The following CNOT11 variants were observed in gnomAD, a reference collection of about 807,000 sequenced individuals.
CNOT11 encodes the protein CCR4-NOT transcription complex subunit 11, also known as UPF0760 protein C2orf29.
A neutral mutation model predicts 44.6 loss-of-function variants in CNOT11; 18 were observed. The ratio of observed to expected loss-of-function variants is 0.40; its 90% CI spans 0.28 to 0.60. The LOEUF (loss-of-function observed/expected upper bound fraction) is 0.60, where lower values mean the gene tolerates loss of function less well. Among genes scored for constraint, CNOT11 ranks in the 20% least tolerant of loss-of-function variants. The pLI is 0.38. For synonymous variants in CNOT11, 291 were observed against 270.9 expected (o/e 1.07, Z -0.73); for missense variants, 513 against 677.0 (o/e 0.76, Z 2.69).
At chr2:101,263,889 C>T (rs72822989) in intron 3 of CNOT11, among the ~76,000 whole-genome samples, 2,485 of 152,332 alleles carry the variant, frequency 0.016, 20 homozygotes, top group Middle Eastern at 0.037. Context: ...GTCCCCACCT[C>T]GCAAGAACTC....
chr2:101,255,386 T>C (rs1681715921), intron 1 of CNOT11, among the ~76,000 whole-genome samples: 2 of 152,214 alleles, frequency 1.3e-5, no homozygotes, highest in South Asian at 4.1e-4. Flanking sequence ...TCCCAGCTAC[T>C]TGGGAGGCTG....
chr2:101,253,135 C>T lies in CNOT11; in HGVS notation c.171C>T (p.Pro57=), dbSNP rs1019536208. 4 of 1,551,376 alleles carry T rather than the reference C, an allele frequency of 2.6e-6. No homozygotes were observed. In the African/African-American group the frequency reaches 4.3e-5, roughly 17 times the overall value. ...CCGGGAGCGGAGGCCCGGGGGGCCC[C>T]GCGGGCAGGATGAGCTTGACCCCGA... ...PGSGSGGPGG[P]AGRMSLTPKE... Residue 57 remains proline, a synonymous_variant, in exon 1 of 7, where the codon CCC becomes CCT. Coordinates refer to ENST00000289382, the MANE Select transcript of CNOT11 (RefSeq NM_017546.5). This position sits in a 1 kb window ranked among gnomAD's most constrained non-coding sequence, Gnocchi z 4.3.
chr2:101,268,610 A>C (rs1300535449), intron 5 of CNOT11, among the ~76,000 whole-genome samples: 1 of 152,222 alleles, frequency 6.6e-6, no homozygotes, highest in Non-Finnish European at 1.5e-5. Flanking sequence ...AGTTTAGAAA[A>C]GGCAGCATAT....
At position 101,269,460 on chromosome 2, in the gene CNOT11, G is replaced by T; in HGVS notation, c.*47G>T. 1 of 1,560,772 alleles carries T rather than the reference G, an allele frequency of 6.4e-7. No homozygotes were observed. The highest frequency in any genetic ancestry group is 1.7e-5 in the Admixed American group (1 of 59,092). Reference sequence around the variant, plus strand: ...TCCATTCACTGTTCAGCTGTACTGTGATTTAGTTTTTACACCGTTAAAACC... The same window carrying T: ...TCCATTCACTGTTCAGCTGTACTGTTATTTAGTTTTTACACCGTTAAAACC... On this transcript the variant is annotated 3_prime_UTR_variant, in exon 7 of 7. Transcript: ENST00000289382. The surrounding 1 kb of genome is among the most constrained non-coding windows in gnomAD (Gnocchi z 4.8).
intron 1 of CNOT11, among the ~76,000 whole-genome samples, chr2:101,254,294 C>G (rs1681690954): frequency 6.6e-6 from 1 of 152,178 alleles, no homozygotes. Context: ...CTTGATCTTA[C>G]ATTCCTTAAC....
chr2:101,267,866 T>C (rs149000425), intron 5 of CNOT11, among the ~76,000 whole-genome samples: 3 of 152,256 alleles, frequency 2.0e-5, no homozygotes, highest in Non-Finnish European at 4.4e-5. Flanking sequence ...AATTATATGG[T>C]CCTCCTGTAT....
chr2:101,264,865 A>T lies in CNOT11; in HGVS notation c.853A>T (p.Ile285Phe), dbSNP rs144229293. ...TACAGGCCATTTTCGACCAGAGTTTATTCGTCCACCGCCTCCACTCCACAT... is the reference window on the plus strand; with the variant it reads ...TACAGGCCATTTTCGACCAGAGTTTTTTCGTCCACCGCCTCCACTCCACAT... ...PIESHFRPEF[I>F]RPPPPLHICE... Residue 285 changes from isoleucine to phenylalanine, a missense_variant, in exon 4 of 7, where the codon ATT (isoleucine) becomes TTT (phenylalanine). Transcript: ENST00000289382. 1 of 1,614,120 alleles carries T rather than the reference A, an allele frequency of 6.2e-7. No individual in the cohort carries two copies.
At chr2:101,256,333 A>G (rs1005459221) in intron 1 of CNOT11, among the ~76,000 whole-genome samples, 1 of 152,092 alleles carries the variant, frequency 6.6e-6, no homozygotes, top group African/African-American at 2.4e-5. Context: ...TTTGTACTCT[A>G]GAGATATAAC....
Position 101,257,810 on chromosome 2 carries a change from T to A in CNOT11, c.534T>A (p.Thr178=), listed in dbSNP as rs532742578. ...TTGCAGGATTTTTACCTCCTATAAC[T>A]CCACCAGAAAAGTTTTTTCTTTCCC... ...PPLSGFLPPI[T]PPEKFFLSQL... is the part of the protein sequence containing the mutation. Residue 178 remains threonine, a synonymous_variant, in exon 2 of 7, where the codon ACT becomes ACA. Coordinates refer to ENST00000289382, the MANE Select transcript of CNOT11 (RefSeq NM_017546.5). 6.2e-7 allele frequency: 1 copy of A among 1,613,678 alleles called. No homozygotes were observed. The highest frequency in any genetic ancestry group is 1.3e-5 in the African/African-American group (1 of 75,010).
In CNOT11 at chr2:101,253,099, C is replaced by T. The variant is rs753888284; in HGVS notation, c.135C>T (p.Ser45=). ...CCGGCGGCGGCAGAGGCGGAGCAAGCGGCCCCGGGTCCGGGAGCGGAGGCC... is the reference window on the plus strand; with the variant it reads ...CCGGCGGCGGCAGAGGCGGAGCAAGTGGCCCCGGGTCCGGGAGCGGAGGCC... The part of the protein sequence containing the change: ...GGSGGGRGGA[S]GPGSGSGGPG... The change falls in exon 1 of 7, where the codon AGC becomes AGT. Residue 45 remains serine (S), a synonymous_variant. Transcript: ENST00000289382. The surrounding 1 kb of genome is among the most constrained non-coding windows in gnomAD (Gnocchi z 4.3). 2.8e-5 allele frequency: 42 copies of T among 1,512,796 alleles called. No homozygotes were observed. The highest frequency in any genetic ancestry group is 3.4e-5 in the Non-Finnish European group (39 of 1,137,538). The allele number at this position is 1,512,796 out of a possible 1,614,324, so 93.7% of individuals were successfully genotyped here. A position where few individuals can be genotyped will look rare whatever the true frequency, so the allele number is the denominator to read the frequency against.
At chr2:101,258,994 C>T (rs867552740) in intron 2 of CNOT11, among the ~76,000 whole-genome samples, 2 of 151,792 alleles carry the variant, frequency 1.3e-5, no homozygotes, top group African/African-American at 4.8e-5. Context: ...CTTAGCCGGG[C>T]GTGGTGGTGC....
Position 101,262,610 on chromosome 2 carries a change from T to G in CNOT11, c.751T>G (p.Ser251Ala), listed in dbSNP as rs983480070. 4 of 1,613,994 alleles carry G rather than the reference T, an allele frequency of 2.5e-6. No homozygotes were observed. In the African/African-American group the frequency reaches 5.3e-5, roughly 22 times the overall value. ...TATTCTCAGTGACCCAGACCCGGAT[T>G]CTTCTAATTCTGGATTTGACAGCTC... ...PSILSDPDPDSSNSGFDSSVA... is the reference protein window; with the variant it reads ...PSILSDPDPDASNSGFDSSVA... Residue 251 changes from serine to alanine, a missense_variant, in exon 3 of 7, where the codon TCT (serine) becomes GCT (alanine). Physicochemically the swap from Ser to Ala is moderately conservative, Grantham distance 99. Coordinates refer to ENST00000289382, the MANE Select transcript of CNOT11 (RefSeq NM_017546.5).
intron 2 of CNOT11, among the ~76,000 whole-genome samples, chr2:101,258,547 G>GT (rs1232396966): frequency 8.6e-5 from 13 of 151,086 alleles, no homozygotes; most frequent in East Asian, 3.9e-4. Flanking sequence ...AATTTAGTGG[G>GT]TTTTTTTTTA....
In CNOT11 at chr2:101,253,170, C is replaced by A; in HGVS notation, c.206C>A (p.Ser69Ter). ...GRMSLTPKEL[S>*]SLLSIISEEA... ...ATGAGCTTGACCCCGAAGGAGCTCT[C>A]GAGCCTGCTGAGCATCATATCGGAG... Residue 69 changes from serine to a stop codon, truncating the protein, a stop_gained, in exon 1 of 7, where the codon TCG becomes TAG. Transcript: ENST00000289382. LOFTEE classifies it high-confidence loss of function. This position sits in a 1 kb window ranked among gnomAD's most constrained non-coding sequence, Gnocchi z 4.3. 6.3e-7 allele frequency: 1 copy of A among 1,593,892 alleles called. No individual in the cohort carries two copies. The highest frequency in any genetic ancestry group is 8.5e-7 in the Non-Finnish European group (1 of 1,172,354).
chr2:101,263,078 G>T (rs1681904592), intron 3 of CNOT11, among the ~76,000 whole-genome samples: 1 of 152,020 alleles, frequency 6.6e-6, no homozygotes. Flanking sequence ...AAAATTAGCC[G>T]AGTGTAGTGG....
At position 101,269,106 on chromosome 2, in the gene CNOT11, T is replaced by C. The variant is rs368313168; in HGVS notation, c.1305T>C (p.Thr435=). 49 of 1,609,070 alleles carry C rather than the reference T, an allele frequency of 3.0e-5. No homozygotes were observed. The African/African-American group carries it at 5.9e-4, about 19-fold the overall frequency. Reference sequence around the variant, plus strand: ...TTTATATATCAAATTGCATCTCTACTTGTGAACAGATTAAGGATAAATATA... The same window carrying C: ...TTTATATATCAAATTGCATCTCTACCTGTGAACAGATTAAGGATAAATATA... ...IHLYISNCIS[T]CEQIKDKYMQ... Residue 435 remains threonine (T), a synonymous_variant, in exon 6 of 7, where the codon ACT becomes ACC. Transcript: ENST00000289382. The surrounding 1 kb of genome is among the most constrained non-coding windows in gnomAD (Gnocchi z 4.8).
Position 101,269,194 on chromosome 2 carries a change from ATTTT to A in CNOT11, c.1336-14_1336-11del, listed in dbSNP as rs759153224. 8.1e-7 allele frequency: 1 copy of A among 1,227,956 alleles called. No individual in the cohort carries two copies. The allele number at this position is 1,227,956 out of a possible 1,614,324, so 76.1% of individuals were successfully genotyped here. On this transcript the variant is annotated intron_variant, in intron 6 of 6. Coordinates refer to ENST00000289382, the MANE Select transcript of CNOT11 (RefSeq NM_017546.5). This position sits in a 1 kb window ranked among gnomAD's most constrained non-coding sequence, Gnocchi z 4.8. ...CTGCCAGGAAAATGAGCAGACTAAC[ATTTT>A]TTTTTTTCCTTTTTCAGAATCGGTT...
chr2:101,254,668 T>C (rs1573196017), intron 1 of CNOT11, among the ~76,000 whole-genome samples: 1 of 150,904 alleles, frequency 6.6e-6, no homozygotes, highest in Admixed American at 6.6e-5. Flanking sequence ...GGTTGGGGGG[T>C]GGGAATTGCT....
chr2:101,264,579 C>T (rs1681936894), intron 3 of CNOT11, among the ~76,000 whole-genome samples: 1 of 152,190 alleles, frequency 6.6e-6, no homozygotes, highest in African/African-American at 2.4e-5. Context: ...ATGGGCAGAT[C>T]ACGGCCAGGC....
Sources: gnomAD v4.1 joint callset for allele counts (sites outside exome capture counted in the v4.1 genomes callset) on GRCh38, gnomAD v4.1.1 for gene constraint, Gnocchi (gnomAD v3.1) non-coding constraint, MANE v1.5 for transcripts, NCBI Gene and HGNC (gene_info 2026-07-23, HGNC 2026-07-21) for gene names.